The following ZNF804B variants were observed in gnomAD, a reference collection of about 807,000 sequenced individuals.
ZNF804B encodes zinc finger 804B.
ZNF804B carries 80 observed loss-of-function variants against 101.4 expected under a neutral mutation model. The observed-to-expected ratio is 0.79, with a 90% CI of 0.66 to 0.95. The LOEUF (loss-of-function observed/expected upper bound fraction) is 0.95. Ranked by LOEUF, ZNF804B falls within the 40% of genes least tolerant of loss-of-function variation. The probability of loss-of-function intolerance (pLI) is 0.00; values close to 1 mark genes in which losing one functional copy is unlikely to be tolerated. For synonymous variants in ZNF804B, 622 were observed against 558.8 expected, an observed-to-expected ratio of 1.11 and a Z score of -1.59; for missense variants, 1,673 against 1,561.9, an observed-to-expected ratio of 1.07 and a Z score of -1.20.
chr7:89,051,514 A>G (rs1442553474), intron 1 of ZNF804B, among the ~76,000 whole-genome samples: 1 of 152,144 alleles, frequency 6.6e-6, no homozygotes, highest in African/African-American at 2.4e-5. Flanking sequence ...TTGCTATTTT[A>G]CCATTCAAGC....
intron 1 of ZNF804B, among the ~76,000 whole-genome samples, chr7:89,170,048 A>G (rs1791201192): frequency 6.6e-6 from 1 of 152,240 alleles, no homozygotes; most frequent in Admixed American, 6.5e-5. Flanking sequence ...ATACTTCAAC[A>G]TTCTGTTTGG....
intron 1 of ZNF804B, among the ~76,000 whole-genome samples, chr7:88,958,304 C>G (rs1464498636): frequency 6.6e-6 from 1 of 151,344 alleles, no homozygotes; most frequent in Non-Finnish European, 1.5e-5. Flanking sequence ...AAGTTCATTA[C>G]CTTGAAAATT....
chr7:88,770,369 A>C (rs1285136931), intron 1 of ZNF804B, among the ~76,000 whole-genome samples: 8 of 152,162 alleles, frequency 5.3e-5, no homozygotes, highest in Non-Finnish European at 1.5e-5. Context: ...CTATGCTTCT[A>C]GGTCTGAAGT....
chr7:88,869,740 T>TG (rs1448229313), intron 1 of ZNF804B, among the ~76,000 whole-genome samples: 1 of 152,140 alleles, frequency 6.6e-6, no homozygotes, highest in Non-Finnish European at 1.5e-5. Context: ...CCCCTGGAGT[T>TG]GCATGTTTAA....
intron 1 of ZNF804B, among the ~76,000 whole-genome samples, chr7:89,019,980 T>G (rs1004381348): frequency 6.6e-6 from 1 of 152,068 alleles, no homozygotes; most frequent in African/African-American, 2.4e-5. Flanking sequence ...CTTACTACTG[T>G]TTTTTATTCT....
chr7:89,041,126 A>G (rs1294806578), intron 1 of ZNF804B, among the ~76,000 whole-genome samples: 4 of 152,058 alleles, frequency 2.6e-5, no homozygotes, highest in Admixed American at 2.0e-4. Flanking sequence ...GGCCTGAAGC[A>G]TGGGTCCATG....
At chr7:88,959,508 A>G (rs919728291) in intron 1 of ZNF804B, among the ~76,000 whole-genome samples, 2 of 151,332 alleles carry the variant, frequency 1.3e-5, no homozygotes, top group African/African-American at 4.8e-5. Flanking sequence ...TTAATATTCA[A>G]ATAATATGGC....
chr7:89,232,673 T>A (rs1057451725), intron 2 of ZNF804B, among the ~76,000 whole-genome samples: 1 of 152,174 alleles, frequency 6.6e-6, no homozygotes, highest in African/African-American at 2.4e-5. Context: ...TAAAATTATA[T>A]GCAATATTTT....
At chr7:88,916,858 T>G (rs377316571) in intron 1 of ZNF804B, among the ~76,000 whole-genome samples, 1 of 152,202 alleles carries the variant, frequency 6.6e-6, no homozygotes, top group Non-Finnish European at 1.5e-5. Flanking sequence ...AGGTTATATA[T>G]GTACTTAAGA....
At chr7:89,201,629 G>C (rs1210318112) in intron 1 of ZNF804B, among the ~76,000 whole-genome samples, 2 of 152,000 alleles carry the variant, frequency 1.3e-5, no homozygotes, top group Admixed American at 6.6e-5. Context: ...GTCAGAAATA[G>C]TGACCAGCTG....
intron 1 of ZNF804B, among the ~76,000 whole-genome samples, chr7:89,114,930 C>T (rs1036540008): frequency 6.6e-6 from 1 of 152,152 alleles, no homozygotes; most frequent in Admixed American, 6.5e-5. Context: ...AACTATTAAA[C>T]ATTTAGCTTT....
At chr7:89,311,633 T>C (rs888754295) in intron 2 of ZNF804B, among the ~76,000 whole-genome samples, 14 of 152,206 alleles carry the variant, frequency 9.2e-5, no homozygotes, top group African/African-American at 2.2e-4. Context: ...GGAATTAATA[T>C]TATTGCACTA....
chr7:88,845,301 G>GCGCACGCGCGCACACACA (rs1554339289), intron 1 of ZNF804B, among the ~76,000 whole-genome samples: 1 of 149,920 alleles, frequency 6.7e-6, no homozygotes, highest in African/African-American at 2.4e-5. Context: ...GCACGCGCGC[G>GCGCACGCGCGCACACACA]CACACACACA....
Position 89,337,772 on chromosome 7 carries a change from G to C in ZNF804B, c.*740G>C, listed in dbSNP as rs1478136471. ...CATATACAAACTATCATTAGTATTTGATAATGCAAACTCAAAAATAAAACG... is the reference window on the plus strand; with the variant it reads ...CATATACAAACTATCATTAGTATTTCATAATGCAAACTCAAAAATAAAACG... On this transcript the variant is annotated 3_prime_UTR_variant, in exon 4 of 4. Transcript: ENST00000333190. Among the ~76,000 whole-genome samples the C allele has an allele frequency of 6.6e-6, 1 of 151,980 alleles. No individual in the cohort carries two copies. The highest frequency in any genetic ancestry group is 1.5e-5 in the Non-Finnish European group (1 of 67,938).
intron 1 of ZNF804B, among the ~76,000 whole-genome samples, chr7:88,833,670 A>C (rs1311677737): frequency 6.6e-6 from 1 of 151,942 alleles, no homozygotes; most frequent in Non-Finnish European, 1.5e-5. Flanking sequence ...TTTATTATTA[A>C]CTTAATGGAG....
rs1376540098 is a variant in ZNF804B, at chr7:89,123,063, A to G, written c.109-95092A>G. Among the ~76,000 whole-genome samples the G allele has an allele frequency of 2.6e-5, 4 of 151,984 alleles. No individual in the cohort carries two copies. In the East Asian group the frequency reaches 7.8e-4, roughly 30 times the overall value. ...TGGTGTCTATAAAACTTGTCACGGT[A>G]TACTTGAAAGGTGGATTTGTTTGTC... is the stretch of plus-strand genomic sequence containing the variant. On this transcript the variant is annotated intron_variant, in intron 1 of 3. Coordinates refer to ENST00000333190, the MANE Select transcript of ZNF804B (RefSeq NM_181646.5).
At position 88,797,668 on chromosome 7, in the gene ZNF804B, C is replaced by T. The variant is rs981361804; in HGVS notation, c.108+37584C>T. The stretch of plus-strand genomic sequence containing the variant: ...TTTCAGTGCACAAACTCAAACTAGT[C>T]TTTTATACACAGGTGAGATTCTTCC... On this transcript the variant is annotated intron_variant, in intron 1 of 3. Coordinates refer to ENST00000333190, the MANE Select transcript of ZNF804B (RefSeq NM_181646.5). Among the ~76,000 whole-genome samples, 4 of 152,090 alleles carry T rather than the reference C, an allele frequency of 2.6e-5. No individual in the cohort carries two copies. In the East Asian group the frequency reaches 7.7e-4, roughly 29 times the overall value.
chr7:89,126,872 G>A (rs980297758), intron 1 of ZNF804B, among the ~76,000 whole-genome samples: 1 of 151,910 alleles, frequency 6.6e-6, no homozygotes, highest in African/African-American at 2.4e-5. Context: ...ATCTCACACA[G>A]ATAGATTTAA....
chr7:88,817,066 G>A (rs1790891287), intron 1 of ZNF804B, among the ~76,000 whole-genome samples: 1 of 152,186 alleles, frequency 6.6e-6, no homozygotes, highest in Non-Finnish European at 1.5e-5. Context: ...AAAATGATGA[G>A]TTCATGTCCT....
Sources: allele counts gnomAD v4.1 joint callset (sites outside exome capture counted in the v4.1 genomes callset), GRCh38; gene constraint gnomAD v4.1.1; transcripts MANE v1.5; gene names NCBI Gene and HGNC (gene_info 2026-07-23, HGNC 2026-07-21).